GABRB1: variants seen among roughly 807,000 people sequenced by gnomAD.
GABRB1 encodes the protein gamma-aminobutyric acid receptor subunit beta-1.
GABRB1 carries 17 observed loss-of-function variants against 51.6 expected under a neutral mutation model. The ratio of observed to expected loss-of-function variants is 0.33; its 90% CI spans 0.23 to 0.49. The LOEUF (loss-of-function observed/expected upper bound fraction) is 0.49. Among genes scored for constraint, GABRB1 ranks in the 20% least tolerant of loss-of-function variants. The probability of loss-of-function intolerance (pLI) is 0.99; values close to 1 mark genes in which losing one functional copy is unlikely to be tolerated. For missense variants in GABRB1, 410 were observed against 600.6 expected (o/e 0.68, Z 3.32); for synonymous variants, 247 against 218.9 (o/e 1.13, Z -1.14).
chr4:47,360,270 C>T (rs1051570709), intron 5 of GABRB1, among the ~76,000 whole-genome samples: 21 of 151,566 alleles, frequency 1.4e-4, no homozygotes, highest in African/African-American at 5.1e-4. Context: ...GAGTAGGAAA[C>T]ATCATTTTTA....
At chr4:47,290,757 G>A (rs1406684145) in intron 4 of GABRB1, among the ~76,000 whole-genome samples, 1 of 152,136 alleles carries the variant, frequency 6.6e-6, no homozygotes, top group Non-Finnish European at 1.5e-5. Flanking sequence ...CCCTGCCCTA[G>A]AGATCGGTGG....
rs1728317308 is a variant in GABRB1, at chr4:47,092,015, TCTCCCC to T, written c.240+59534_240+59539del. On this transcript the variant is annotated intron_variant, in intron 3 of 8. Transcript: ENST00000295454. ...CCCATGATCACAGACTGGGTCAGTA[TCTCCCC>T]CTAATCTTTCACAACCCCTTTCTTT... Among the ~76,000 whole-genome samples, 3 of 152,242 alleles carry T rather than the reference TCTCCCC, an allele frequency of 2.0e-5. No individual in the cohort carries two copies. In the South Asian group the frequency reaches 6.2e-4, roughly 32 times the overall value.
At chr4:47,409,984 G>A (rs1439457722) in intron 8 of GABRB1, among the ~76,000 whole-genome samples, 1 of 152,172 alleles carries the variant, frequency 6.6e-6, no homozygotes, top group Non-Finnish European at 1.5e-5. Flanking sequence ...GTTCCCATTT[G>A]ACTGACCTTT....
chr4:47,327,991 A>G (rs1725319015), intron 5 of GABRB1, among the ~76,000 whole-genome samples: 1 of 152,084 alleles, frequency 6.6e-6, no homozygotes, highest in African/African-American at 2.4e-5. Flanking sequence ...TGCCTTTTTA[A>G]TGATCGCCAT....
chr4:47,374,595 C>T (rs923458564), intron 5 of GABRB1, among the ~76,000 whole-genome samples: 6 of 152,142 alleles, frequency 3.9e-5, no homozygotes, highest in Non-Finnish European at 8.8e-5. Context: ...GTCAAGACAG[C>T]ACATAGTATT....
intron 5 of GABRB1, among the ~76,000 whole-genome samples, chr4:47,350,111 ATATAT>A (rs1192240051): frequency 6.7e-6 from 1 of 150,104 alleles, no homozygotes; most frequent in Non-Finnish European, 1.5e-5. Flanking sequence ...ATTTGAAAAA[ATATAT>A]TGTATTTATT....
In GABRB1 at chr4:47,312,860, T is replaced by TTG. The variant is rs139475229; in HGVS notation, c.462-7255_462-7254dup. ...TGTATATGTGTGCACACGTGTGTAT[T>TTG]TGTGTGTGTGTGTAAAAACCTAGGT... On this transcript the variant is annotated intron_variant, in intron 4 of 8. Coordinates refer to ENST00000295454, the MANE Select transcript of GABRB1 (RefSeq NM_000812.4). Among the ~76,000 whole-genome samples, 29 of 152,006 alleles carry TTG rather than the reference T, an allele frequency of 1.9e-4. No homozygotes were observed. The South Asian group carries it at 3.5e-3, about 18-fold the overall frequency.
intron 3 of GABRB1, among the ~76,000 whole-genome samples, chr4:47,121,192 ATGCTCCCTCCATGTCCATGTG>A (rs1715760324): frequency 6.6e-6 from 1 of 151,988 alleles, no homozygotes; most frequent in Admixed American, 6.6e-5. Flanking sequence ...GCTCATCTAA[ATGCTCCCTCCATGTCCATGTG>A]TGTTGGCTGA....
intron 4 of GABRB1, among the ~76,000 whole-genome samples, chr4:47,196,328 G>C (rs528673217): frequency 1.3e-5 from 2 of 152,268 alleles, no homozygotes; most frequent in East Asian, 3.9e-4. Context: ...ATCCATCTAG[G>C]CCCAAGCACT....
In GABRB1 at chr4:47,306,013, T is replaced by C. The variant is rs1724454155; in HGVS notation, c.462-14114T>C. Among the ~76,000 whole-genome samples the C allele has an allele frequency of 3.9e-5, 6 of 152,120 alleles. 1 individual carries two copies. The South Asian group carries it at 1.2e-3, about 32-fold the overall frequency. On this transcript the variant is annotated intron_variant, in intron 4 of 8. Coordinates refer to ENST00000295454, the MANE Select transcript of GABRB1 (RefSeq NM_000812.4). ...ACACATGTGTGTGAAAATTAAATCA[T>C]CATGCTCATGTACTACAAAAGGAAC...
intron 3 of GABRB1, among the ~76,000 whole-genome samples, chr4:47,083,211 A>G (rs2109571159): frequency 6.6e-6 from 1 of 152,264 alleles, no homozygotes; most frequent in South Asian, 2.1e-4. Context: ...CAGTGATTTA[A>G]TGATGACTTG....
chr4:47,065,521 A>G (rs375628859), intron 3 of GABRB1, among the ~76,000 whole-genome samples: 1 of 152,378 alleles, frequency 6.6e-6, no homozygotes, highest in East Asian at 1.9e-4. Flanking sequence ...AAGAACTTTA[A>G]GCCAAGAGAA....
chr4:47,028,431 G>T (rs1417570258), upstream of GABRB1, among the ~76,000 whole-genome samples: 1 of 151,710 alleles, frequency 6.6e-6, no homozygotes, highest in Non-Finnish European at 1.5e-5. Context: ...TGAAATGCTT[G>T]TTACAATTGT....
chr4:47,231,522 A>T (rs529000880), intron 4 of GABRB1, among the ~76,000 whole-genome samples: 1 of 152,212 alleles, frequency 6.6e-6, no homozygotes, highest in Non-Finnish European at 1.5e-5. Flanking sequence ...ACTTAGAAGG[A>T]AATAAAAATT....
intron 5 of GABRB1, among the ~76,000 whole-genome samples, chr4:47,343,541 A>C (rs990583148): frequency 1.3e-5 from 2 of 152,202 alleles, no homozygotes; most frequent in African/African-American, 2.4e-5. Flanking sequence ...GAATGCTGTG[A>C]AAATCCCCTG....
At chr4:47,238,878 A>G (rs1021350260) in intron 4 of GABRB1, among the ~76,000 whole-genome samples, 1 of 152,232 alleles carries the variant, frequency 6.6e-6, no homozygotes, top group Non-Finnish European at 1.5e-5. Context: ...CTTTTCCCAA[A>G]GCTAGAAACA....
intron 3 of GABRB1, among the ~76,000 whole-genome samples, chr4:47,129,415 C>T (rs1192255022): frequency 6.6e-6 from 1 of 151,978 alleles, no homozygotes; most frequent in Non-Finnish European, 1.5e-5. Context: ...TTTAAAGAAA[C>T]GTGAATTTAG....
At chr4:47,116,960 T>C (rs530617211) in intron 3 of GABRB1, among the ~76,000 whole-genome samples, 27 of 152,166 alleles carry the variant, frequency 1.8e-4, no homozygotes, top group Non-Finnish European at 3.5e-4. Context: ...CCAGATCTCA[T>C]GAGAACTCAC....
chr4:47,398,893 C>G (rs1728282751), intron 5 of GABRB1, among the ~76,000 whole-genome samples: 1 of 152,216 alleles, frequency 6.6e-6, no homozygotes, highest in African/African-American at 2.4e-5. Flanking sequence ...CGGGTTCACG[C>G]CATTCTCCCG....
Sources: gnomAD v4.1 joint callset for allele counts (sites outside exome capture counted in the v4.1 genomes callset) on GRCh38, gnomAD v4.1.1 for gene constraint, MANE v1.5 for transcripts, NCBI Gene and HGNC (gene_info 2026-07-23, HGNC 2026-07-21) for gene names.